Variants in ZBTB46 observed in about 807,000 individuals in gnomAD.
ZBTB46 encodes zinc finger and BTB domain containing 46.
A neutral mutation model predicts 44.1 loss-of-function variants in ZBTB46; 8 were observed. The ratio of observed to expected loss-of-function variants is 0.18; its 90% CI spans 0.11 to 0.33. ZBTB46 has a LOEUF of 0.33. Ranked by LOEUF, ZBTB46 falls within the 10% of genes least tolerant of loss-of-function variation. ZBTB46 has a pLI of 1.00. For synonymous variants in ZBTB46, 409 were observed against 382.3 expected (o/e 1.07, Z -0.81); for missense variants, 651 against 847.7 (o/e 0.77, Z 2.88).
At chr20:63,823,502 AAAT>A (rs2092803693) in intron 1 of ZBTB46, among the ~76,000 whole-genome samples, 1 of 104,156 alleles carries the variant, frequency 9.6e-6, no homozygotes, top group Non-Finnish European at 1.9e-5. Flanking sequence ...TGTCTCAAAA[AAAT>A]AAATAAATAA....
intron 1 of ZBTB46, among the ~76,000 whole-genome samples, chr20:63,807,354 C>T (rs563336936): frequency 2.6e-5 from 4 of 152,010 alleles, no homozygotes; most frequent in African/African-American, 7.2e-5. Context: ...TTTTCTGTTT[C>T]TTCTTGAGTC....
chr20:63,778,430 A>G (rs575445571), intron 2 of ZBTB46, among the ~76,000 whole-genome samples: 4 of 152,358 alleles, frequency 2.6e-5, no homozygotes, highest in Non-Finnish European at 4.4e-5. Flanking sequence ...GGTCGTTGAC[A>G]GGAATCGGGA....
intron 1 of ZBTB46, among the ~76,000 whole-genome samples, chr20:63,800,048 T>G (rs568898620): frequency 6.6e-5 from 10 of 152,288 alleles, no homozygotes; most frequent in African/African-American, 2.4e-4. Flanking sequence ...TGTCCAAATG[T>G]GCATCAACAG....
At chr20:63,769,233 C>T (rs780756188) in intron 3 of ZBTB46, 93 of 985,272 alleles carry the variant, frequency 9.4e-5, no homozygotes, top group Non-Finnish European at 1.1e-4. Flanking sequence ...ACAAAGCTGG[C>T]CACCCTGGTG....
intron 3 of ZBTB46, among the ~76,000 whole-genome samples, chr20:63,763,120 A>C (rs927237414): frequency 6.6e-6 from 1 of 152,340 alleles, no homozygotes; most frequent in African/African-American, 2.4e-5. Flanking sequence ...TTAGCCTCCC[A>C]AATTGCTGGG....
intron 3 of ZBTB46, among the ~76,000 whole-genome samples, chr20:63,773,461 A>C (rs1311242717): frequency 6.6e-6 from 1 of 152,082 alleles, no homozygotes; most frequent in African/African-American, 2.4e-5. Context: ...TTAATGACCA[A>C]GACACACCAG....
At chr20:63,769,370 A>C (rs2092347741) in intron 3 of ZBTB46, 1 of 985,234 alleles carries the variant, frequency 1.0e-6, no homozygotes, top group South Asian at 4.7e-5. Context: ...CGACCCTCAC[A>C]AGGGACCCAG....
chr20:63,764,954 T>C (rs1192101832), intron 3 of ZBTB46, among the ~76,000 whole-genome samples: 2 of 151,716 alleles, frequency 1.3e-5, no homozygotes, highest in Non-Finnish European at 2.9e-5. Context: ...AGTCTTGCTC[T>C]CTCACCCAGG....
intron 3 of ZBTB46, among the ~76,000 whole-genome samples, chr20:63,765,659 G>A (rs2092315188): frequency 6.6e-6 from 1 of 152,116 alleles, no homozygotes; most frequent in Non-Finnish European, 1.5e-5. Flanking sequence ...TGAACTCTCA[G>A]GCTTAAGCAA....
intron 3 of ZBTB46, among the ~76,000 whole-genome samples, chr20:63,764,290 G>A (rs2092300355): frequency 6.6e-6 from 1 of 152,152 alleles, no homozygotes; most frequent in Non-Finnish European, 1.5e-5. Flanking sequence ...CAAAAAATCA[G>A]CTGGGCATGG....
At chr20:63,809,000 G>GAAAAAA (rs2092701841) in intron 1 of ZBTB46, among the ~76,000 whole-genome samples, 1 of 113,840 alleles carries the variant, frequency 8.8e-6, no homozygotes. Context: ...AAAAAAAAAA[G>GAAAAAA]AAAAAGAAAA....
intron 1 of ZBTB46, among the ~76,000 whole-genome samples, chr20:63,824,431 A>G (rs6011163): frequency 0.18 from 27,182 of 151,980 alleles, 2,948 homozygotes; most frequent in East Asian, 0.46. Context: ...GGGCCACACC[A>G]AGACAAGAAA....
intron 3 of ZBTB46, among the ~76,000 whole-genome samples, chr20:63,763,001 C>T (rs1388265196): frequency 6.6e-6 from 1 of 152,114 alleles, no homozygotes; most frequent in Non-Finnish European, 1.5e-5. Context: ...GCTTGAATCA[C>T]TGGTGAGCAC....
At position 63,746,569 on chromosome 20, in the gene ZBTB46, G is replaced by A. The variant is rs769855438; in HGVS notation, c.*361C>T. On this transcript the variant is annotated 3_prime_UTR_variant, in exon 5 of 5. Coordinates refer to ENST00000245663, the MANE Select transcript of ZBTB46 (RefSeq NM_001369741.1). ...GCCTCTGGGCCGAACACACCACCCC[G>A]CCCAGTGCCCACTGGACCCGGCCAC... is the stretch of plus-strand genomic sequence containing the variant. 7.4e-5 allele frequency: 18 copies of A among 242,664 alleles called. No individual in the cohort carries two copies. The highest frequency in any genetic ancestry group is 1.6e-4 in the African/African-American group (7 of 44,568). The allele number at this position is 242,664 out of a possible 1,614,324, so 15.0% of individuals were successfully genotyped here. A position where few individuals can be genotyped will look rare whatever the true frequency, so the allele number is the denominator to read the frequency against.
At chr20:63,809,534 C>A (rs1190000709) in intron 1 of ZBTB46, among the ~76,000 whole-genome samples, 1 of 152,148 alleles carries the variant, frequency 6.6e-6, no homozygotes. Flanking sequence ...GCAGGAGCTC[C>A]GCGACCTCCC....
intron 3 of ZBTB46, among the ~76,000 whole-genome samples, chr20:63,760,457 A>G (rs958041606): frequency 6.6e-6 from 1 of 151,674 alleles, no homozygotes; most frequent in African/African-American, 2.4e-5. Context: ...CACAGGAGTT[A>G]TATCAGTGTT....
intron 2 of ZBTB46, among the ~76,000 whole-genome samples, chr20:63,778,776 T>TGTGTC (rs2092445359): frequency 1.3e-5 from 2 of 152,248 alleles, no homozygotes; most frequent in African/African-American, 4.8e-5. Flanking sequence ...TGACACATCA[T>TGTGTC]ATTAATTGTG....
chr20:63,807,062 G>A (rs9798571), intron 1 of ZBTB46, among the ~76,000 whole-genome samples: 34,565 of 152,070 alleles, frequency 0.23, 4,058 homozygotes, highest in Middle Eastern at 0.33. Flanking sequence ...GATTACAGGC[G>A]TGAGCCACCA....
At chr20:63,758,381 G>A (rs938969986) in intron 3 of ZBTB46, among the ~76,000 whole-genome samples, 4 of 151,794 alleles carry the variant, frequency 2.6e-5, no homozygotes, top group Non-Finnish European at 5.9e-5. Flanking sequence ...CCTCCCCACA[G>A]AAACCAAACA....
Sources: gnomAD v4.1 joint callset for allele counts (sites outside exome capture counted in the v4.1 genomes callset) on GRCh38, gnomAD v4.1.1 for gene constraint, MANE v1.5 for transcripts, NCBI Gene and HGNC (gene_info 2026-07-23, HGNC 2026-07-21) for gene names.